RUNX1: variants seen among roughly 807,000 people sequenced by gnomAD.
RUNX1 encodes the protein runt-related transcription factor 1.
In RUNX1, 19 loss-of-function variants were observed where a neutral mutation model predicts 42.8. That is an observed-to-expected ratio of 0.44 (90% CI 0.31 to 0.65). The LOEUF is 0.65. Among genes scored for constraint, RUNX1 ranks in the 30% least tolerant of loss-of-function variants. The probability of loss-of-function intolerance (pLI) is 0.07; values close to 1 mark genes in which losing one functional copy is unlikely to be tolerated. For missense variants in RUNX1, 528 were observed against 672.0 expected (o/e 0.79, Z 2.37); for synonymous variants, 271 against 289.4 (o/e 0.94, Z 0.64).
intron 4 of RUNX1, 64 bp downstream of exon 4, chr21:34,886,779 C>G (rs1004972659): frequency 4.4e-6 from 7 of 1,608,772 alleles, no homozygotes; most frequent in Admixed American, 1.7e-5. Flanking sequence ...CCGCTGCCCT[C>G]GCGGATCTCC....
intron 7 of RUNX1, among the ~76,000 whole-genome samples, chr21:34,826,706 A>G (rs1469985289): frequency 6.6e-6 from 1 of 151,976 alleles, no homozygotes; most frequent in Non-Finnish European, 1.5e-5. Context: ...TGGCCTCCCA[A>G]AGTGGTGGGA....
At chr21:34,995,385 CT>C (rs1200558335) in intron 2 of RUNX1, among the ~76,000 whole-genome samples, 1 of 149,036 alleles carries the variant, frequency 6.7e-6, no homozygotes, top group Non-Finnish European at 1.5e-5. Context: ...AGTATGACAA[CT>C]CTGTTGAGAC....
At chr21:35,016,323 T>C (rs1473467873) in intron 2 of RUNX1, among the ~76,000 whole-genome samples, 1 of 152,254 alleles carries the variant, frequency 6.6e-6, no homozygotes, top group Non-Finnish European at 1.5e-5. Flanking sequence ...ACACAGCTTC[T>C]TGTAGACAGC....
At chr21:34,799,632 T>G (rs551521057) in intron 7 of RUNX1, among the ~76,000 whole-genome samples, 170 bp from the exon 8 acceptor site, 122 of 152,342 alleles carry the variant, frequency 8.0e-4, no homozygotes, top group Admixed American at 1.4e-3. Flanking sequence ...TCTGTTGGAT[T>G]ATTTTCCCCC....
intron 2 of RUNX1, among the ~76,000 whole-genome samples, chr21:34,932,486 C>T (rs2058454765): frequency 6.6e-6 from 1 of 152,138 alleles, no homozygotes; most frequent in East Asian, 1.9e-4. Flanking sequence ...ATATCACTTT[C>T]CATATAGCTG....
intron 2 of RUNX1, among the ~76,000 whole-genome samples, chr21:35,033,168 T>C (rs12482247): frequency 0.46 from 70,019 of 152,062 alleles, 16,715 homozygotes; most frequent in Middle Eastern, 0.52. Context: ...TGCATTTGCC[T>C]ATTCATCTAT....
In RUNX1 at chr21:34,940,206, T is replaced by C. The variant is rs144432945; in HGVS notation, c.59-47243A>G. On this transcript the variant is annotated intron_variant, in intron 2 of 8. Transcript: ENST00000675419. The stretch of plus-strand genomic sequence containing the variant: ...TGAGAATCTTGTGGAATGGAAGCTG[T>C]CAATGGGATGGGGAAACATTAATGC... 2.1e-3 allele frequency among the ~76,000 whole-genome samples: 314 copies of C among 152,252 alleles called. 1 individual carries two copies. Among genetic ancestry groups the C allele is most frequent in the Middle Eastern group, 6.8e-3 (2 of 294 alleles).
chr21:34,925,919 A>G (rs1189646948), intron 2 of RUNX1, among the ~76,000 whole-genome samples: 1 of 152,148 alleles, frequency 6.6e-6, no homozygotes, highest in African/African-American at 2.4e-5. Context: ...AAAGGCTAGT[A>G]CTATAGAGTG....
chr21:34,934,596 G>A (rs1452016094), intron 2 of RUNX1, among the ~76,000 whole-genome samples: 4 of 152,144 alleles, frequency 2.6e-5, no homozygotes, highest in African/African-American at 9.7e-5. Flanking sequence ...TCCATGATAT[G>A]AACACAAAGG....
intron 2 of RUNX1, among the ~76,000 whole-genome samples, chr21:34,953,652 C>T (rs2058624611): frequency 6.6e-6 from 1 of 152,172 alleles, no homozygotes; most frequent in Admixed American, 6.5e-5. Flanking sequence ...TAAATGACTA[C>T]TTTCTTCTGA....
intron 2 of RUNX1, among the ~76,000 whole-genome samples, chr21:34,995,567 A>G (rs1282055933): frequency 1.3e-5 from 2 of 151,550 alleles, no homozygotes; most frequent in Non-Finnish European, 2.9e-5. Flanking sequence ...CAGCCTCTCA[A>G]GTAGCTGTGA....
chr21:35,043,333 G>A (rs1208855040), intron 2 of RUNX1, among the ~76,000 whole-genome samples: 1 of 152,164 alleles, frequency 6.6e-6, no homozygotes, highest in Non-Finnish European at 1.5e-5. Flanking sequence ...GCATCTGATG[G>A]GGAGGAGCAG....
intron 2 of RUNX1, among the ~76,000 whole-genome samples, chr21:34,900,736 C>T (rs1227728997): frequency 1.3e-5 from 2 of 152,142 alleles, no homozygotes; most frequent in South Asian, 2.1e-4. Context: ...TCCTTGAGCT[C>T]GGAAACAATA....
intron 6 of RUNX1, among the ~76,000 whole-genome samples, chr21:34,850,605 C>G (rs184908163): frequency 3.1e-4 from 47 of 152,156 alleles, no homozygotes; most frequent in African/African-American, 9.2e-4. Context: ...GTCACCCACA[C>G]GTGACTTTTC....
intron 2 of RUNX1, among the ~76,000 whole-genome samples, chr21:35,020,497 T>C (rs1336065754): frequency 6.6e-6 from 1 of 152,048 alleles, no homozygotes; most frequent in Non-Finnish European, 1.5e-5. Flanking sequence ...AGAGGTGAGA[T>C]CTGGGAGGAT....
At chr21:34,805,997 T>C (rs1009707053) in intron 7 of RUNX1, among the ~76,000 whole-genome samples, 1 of 152,134 alleles carries the variant, frequency 6.6e-6, no homozygotes, top group Non-Finnish European at 1.5e-5. Flanking sequence ...ATGATTAATA[T>C]GCTAACAGAG....
chr21:34,835,859 C>T lies in RUNX1; in HGVS notation c.614-1258G>A, dbSNP rs145048449. Reference sequence around the variant, plus strand: ...AAAGAGGCCCCCTTGATTCCACTCCCGCAGCCTGGGGTAAGAGCAGACCAC... The same window carrying T: ...AAAGAGGCCCCCTTGATTCCACTCCTGCAGCCTGGGGTAAGAGCAGACCAC... On this transcript the variant is annotated intron_variant, in intron 6 of 8. Coordinates refer to ENST00000675419, the MANE Select transcript of RUNX1 (RefSeq NM_001754.5). 9.8e-5 allele frequency among the ~76,000 whole-genome samples: 15 copies of T among 152,288 alleles called. No individual in the cohort carries two copies. In the East Asian group the frequency reaches 1.7e-3, roughly 18 times the overall value.
intron 6 of RUNX1, among the ~76,000 whole-genome samples, chr21:34,836,039 A>C (rs1211127084): frequency 6.6e-6 from 1 of 152,240 alleles, no homozygotes; most frequent in Non-Finnish European, 1.5e-5. Flanking sequence ...AGACCAGAAA[A>C]AAAGGGCCCA....
chr21:34,926,016 A>C (rs1400510346), intron 2 of RUNX1, among the ~76,000 whole-genome samples: 3 of 152,134 alleles, frequency 2.0e-5, no homozygotes, highest in Non-Finnish European at 2.9e-5. Context: ...CAAAGCAAAA[A>C]TAAGGGCAGA....
Sources: allele counts gnomAD v4.1 joint callset (sites outside exome capture counted in the v4.1 genomes callset), GRCh38; gene constraint gnomAD v4.1.1; transcripts MANE v1.5; gene names NCBI Gene and HGNC (gene_info 2026-07-23, HGNC 2026-07-21).